The following SERPINB5 variants were observed in gnomAD, a reference collection of about 807,000 sequenced individuals.
SERPINB5 encodes the protein serpin B5.
SERPINB5 carries 27 observed loss-of-function variants against 32.2 expected under a neutral mutation model. The observed-to-expected ratio is 0.84, with a 90% CI of 0.62 to 1.16. The LOEUF (loss-of-function observed/expected upper bound fraction) is 1.16, where lower values mean the gene tolerates loss of function less well. SERPINB5 is among the 50% of genes most tolerant of loss of function. SERPINB5 has a pLI of 0.00. For synonymous variants in SERPINB5, 154 were observed against 157.4 expected, an observed-to-expected ratio of 0.98 and a Z score of 0.16; for missense variants, 388 against 436.3, an observed-to-expected ratio of 0.89 and a Z score of 0.99.
intron 6 of SERPINB5, among the ~76,000 whole-genome samples, chr18:63,502,161 A>C (rs948279715): frequency 7.3e-6 from 1 of 137,716 alleles, no homozygotes; most frequent in African/African-American, 2.7e-5. Context: ...TTTGAGATGG[A>C]GTCTTGCTCT....
intron 4 of SERPINB5, among the ~76,000 whole-genome samples, chr18:63,491,891 T>A (rs1401487311): frequency 6.6e-6 from 1 of 152,192 alleles, no homozygotes; most frequent in Non-Finnish European, 1.5e-5. Flanking sequence ...TAATATATAT[T>A]TAACATATTA....
chr18:63,493,216 C>T, intron 5 of SERPINB5, 121 bp downstream of exon 5: 1 of 1,313,858 alleles, frequency 7.6e-7, no homozygotes, highest in Non-Finnish European at 1.1e-6. Flanking sequence ...GGCAAAGTGC[C>T]TTTCCTGAGA....
chr18:63,479,225 T>C (rs1040147429), intron 1 of SERPINB5, among the ~76,000 whole-genome samples: 1 of 152,214 alleles, frequency 6.6e-6, no homozygotes, highest in African/African-American at 2.4e-5. Context: ...CTGTTATCAA[T>C]GTCAAGACAA....
chr18:63,499,322 C>G, intron 6 of SERPINB5, 35 bp downstream of exon 6: 1 of 1,443,924 alleles, frequency 6.9e-7, no homozygotes, highest in South Asian at 1.6e-5. Flanking sequence ...ACAAAGGCAC[C>G]CCCTGCCTTG....
intron 6 of SERPINB5, among the ~76,000 whole-genome samples, chr18:63,501,642 T>C (rs2075848484): frequency 6.6e-6 from 1 of 152,222 alleles, no homozygotes; most frequent in South Asian, 2.1e-4. Context: ...GTGGTTGAAC[T>C]TGTTTACGGT....
At chr18:63,496,908 C>A (rs575891907) in intron 5 of SERPINB5, 83 of 335,566 alleles carry the variant, frequency 2.5e-4, no homozygotes, top group South Asian at 2.0e-3. Flanking sequence ...ACATAAAAGA[C>A]CTGAACGATC....
Position 63,488,833 on chromosome 18 carries a change from A to G in SERPINB5, c.307-514A>G, listed in dbSNP as rs540537597. On this transcript the variant is annotated intron_variant, in intron 3 of 6. Transcript: ENST00000382771. ...ACACCTGGAAATTTTGTTAAAATGC[A>G]TTCTGATTCAGTATGTCTGGGGTGG... Among the ~76,000 whole-genome samples, 6 of 152,302 alleles carry G rather than the reference A, an allele frequency of 3.9e-5. No homozygotes were observed. The South Asian group carries it at 1.2e-3, about 32-fold the overall frequency.
intron 1 of SERPINB5, among the ~76,000 whole-genome samples, chr18:63,481,511 A>G (rs1322434936): frequency 2.0e-5 from 3 of 152,246 alleles, no homozygotes; most frequent in Non-Finnish European, 1.5e-5. Flanking sequence ...TCATATTATT[A>G]TCAGTGCGAT....
chr18:63,497,417 C>A, intron 5 of SERPINB5: 1 of 960,292 alleles, frequency 1.0e-6, no homozygotes, highest in Non-Finnish European at 1.6e-6. Flanking sequence ...GTGGGGGTCA[C>A]CTGCCTGTCC....
chr18:63,500,480 A>G (rs1368292500), intron 6 of SERPINB5, among the ~76,000 whole-genome samples: 2 of 152,016 alleles, frequency 1.3e-5, no homozygotes, highest in Non-Finnish European at 2.9e-5. Flanking sequence ...TACACATTAT[A>G]TATAAGTATT....
At chr18:63,477,746 T>C (rs1335467490) in intron 1 of SERPINB5, among the ~76,000 whole-genome samples, 2 of 152,240 alleles carry the variant, frequency 1.3e-5, no homozygotes, top group East Asian at 3.8e-4. Context: ...CACTTTTTCT[T>C]ATGGCTTCAT....
chr18:63,499,613 G>C (rs1450530896), intron 6 of SERPINB5, among the ~76,000 whole-genome samples: 1 of 152,176 alleles, frequency 6.6e-6, no homozygotes, highest in East Asian at 1.9e-4. Context: ...AGGCACAGAG[G>C]GGTGGGTAAC....
chr18:63,478,408 A>C (rs1917071148), intron 1 of SERPINB5, among the ~76,000 whole-genome samples: 1 of 152,180 alleles, frequency 6.6e-6, no homozygotes, highest in South Asian at 2.1e-4. Flanking sequence ...AGCAATTACT[A>C]ATAGCTGTAT....
chr18:63,479,080 A>C (rs1917083228), intron 1 of SERPINB5, among the ~76,000 whole-genome samples: 1 of 152,144 alleles, frequency 6.6e-6, no homozygotes, highest in African/African-American at 2.4e-5. Flanking sequence ...GTTTTAAGGG[A>C]TGAAAAAACT....
intron 1 of SERPINB5, 168 bp downstream of exon 1, chr18:63,477,213 A>G (rs1389767918): frequency 6.6e-6 from 1 of 151,996 alleles, no homozygotes; most frequent in African/African-American, 2.4e-5. Flanking sequence ...CTCATCCCCC[A>G]TGTTGGCAGT....
At chr18:63,479,246 C>T (rs137920988) in intron 1 of SERPINB5, among the ~76,000 whole-genome samples, 8 of 152,238 alleles carry the variant, frequency 5.3e-5, no homozygotes, top group African/African-American at 1.7e-4. Context: ...CAGACATAAA[C>T]CAGGATTGTC....
At chr18:63,502,451 T>G (rs1909589629) in intron 6 of SERPINB5, among the ~76,000 whole-genome samples, 1 of 152,128 alleles carries the variant, frequency 6.6e-6, no homozygotes. Context: ...CTCTCATTTT[T>G]TAAAACAGCT....
intron 4 of SERPINB5, 71 bp downstream of exon 4, chr18:63,489,535 T>A: frequency 1.2e-6 from 1 of 833,682 alleles, no homozygotes. Flanking sequence ...AAATGTTTGC[T>A]CCAAGGATAA....
Position 63,498,762 on chromosome 18 carries a change from T to C in SERPINB5, c.568-358T>C, listed in dbSNP as rs1909503690. ...GAGCAAATTTGTGTATATATATATA[T>C]GTACATATATATTTATGTGTTTGCC... On this transcript the variant is annotated intron_variant, in intron 5 of 6. Coordinates refer to ENST00000382771, the MANE Select transcript of SERPINB5 (RefSeq NM_002639.5). The surrounding 1 kb of genome is among the most constrained non-coding windows in gnomAD (Gnocchi z 4.2). 6.6e-6 allele frequency among the ~76,000 whole-genome samples: 1 copy of C among 151,454 alleles called. No homozygotes were observed. The highest frequency in any genetic ancestry group is 6.6e-5 in the Admixed American group (1 of 15,172).
Sources: allele counts gnomAD v4.1 joint callset (sites outside exome capture counted in the v4.1 genomes callset), GRCh38; gene constraint gnomAD v4.1.1; non-coding constraint Gnocchi (gnomAD v3.1); transcripts MANE v1.5; gene names NCBI Gene and HGNC (gene_info 2026-07-23, HGNC 2026-07-21).